Variants in GALNT7 observed in about 807,000 individuals in gnomAD.
GALNT7 encodes polypeptide N-acetylgalactosaminyltransferase 7, also known as N-acetylgalactosaminyltransferase 7.
A neutral mutation model predicts 82.1 loss-of-function variants in GALNT7; 60 were observed. The observed-to-expected ratio is 0.73, with a 90% confidence interval of 0.59 to 0.91. The LOEUF (loss-of-function observed/expected upper bound fraction) is 0.91. GALNT7 is among the 40% of genes least tolerant of loss of function. The probability of loss-of-function intolerance (pLI) is 0.00; values close to 1 mark genes in which losing one functional copy is unlikely to be tolerated. For synonymous variants in GALNT7, 243 were observed against 275.1 expected (o/e 0.88, Z 1.15); for missense variants, 660 against 804.2 (o/e 0.82, Z 2.17).
intron 1 of GALNT7, among the ~76,000 whole-genome samples, chr4:173,224,803 G>C (rs540323953): frequency 6.6e-6 from 1 of 151,810 alleles, no homozygotes; most frequent in South Asian, 2.1e-4. Context: ...ACGAGGTCAG[G>C]AGATCCAGAC....
intron 3 of GALNT7, 67 bp from the exon 4 acceptor site, chr4:173,295,329 G>C: frequency 1.7e-6 from 2 of 1,147,604 alleles, no homozygotes; most frequent in South Asian, 2.6e-5. Flanking sequence ...CTTGTTTCCT[G>C]AGAAAAATAA....
chr4:173,318,513 T>C lies in GALNT7; in HGVS notation c.1790T>C (p.Ile597Thr). The C allele has an allele frequency of 6.4e-7, 1 of 1,574,238 alleles. No homozygotes were observed. Among genetic ancestry groups the C allele is most frequent in the Non-Finnish European group, 8.7e-7 (1 of 1,144,770 alleles). The change falls in exon 11 of 12, where the codon ATT becomes ACT. Residue 597 changes from isoleucine (I) to threonine (T), a missense_variant. Around this residue, in one of 2 missense-constraint regions of GALNT7, gnomAD observed 527 missense variants for 683.5 expected, o/e 0.77. Transcript: ENST00000265000. ...TKGADGSKVM[I>T]THCNLNEFKE... Reference sequence around the variant, plus strand: ...GGAGCTGATGGATCAAAAGTTATGATTACACACTGTAATCTAAATGAATTT... The same window carrying C: ...GGAGCTGATGGATCAAAAGTTATGACTACACACTGTAATCTAAATGAATTT...
At chr4:173,224,611 T>C (rs1733744459) in intron 1 of GALNT7, among the ~76,000 whole-genome samples, 1 of 152,236 alleles carries the variant, frequency 6.6e-6, no homozygotes, top group Admixed American at 6.5e-5. Context: ...AAACTTGCAA[T>C]ATATTTATTT....
At chr4:173,197,361 A>G (rs1732810256) in intron 1 of GALNT7, among the ~76,000 whole-genome samples, 1 of 152,200 alleles carries the variant, frequency 6.6e-6, no homozygotes, top group Non-Finnish European at 1.5e-5. Flanking sequence ...ATGTATATGA[A>G]GGAACAGAAA....
At chr4:173,190,431 G>A (rs1022341321) in intron 1 of GALNT7, among the ~76,000 whole-genome samples, 7 of 152,312 alleles carry the variant, frequency 4.6e-5, no homozygotes, top group African/African-American at 7.2e-5. Context: ...AGGTAATACC[G>A]TATAATTTTT....
chr4:173,250,884 C>T (rs1298117228), intron 2 of GALNT7, among the ~76,000 whole-genome samples: 1 of 152,176 alleles, frequency 6.6e-6, no homozygotes, highest in Non-Finnish European at 1.5e-5. Flanking sequence ...CCTTTCTTCC[C>T]ATGACGGGCT....
intron 1 of GALNT7, among the ~76,000 whole-genome samples, chr4:173,231,823 A>G (rs999366404): frequency 1.3e-5 from 2 of 152,196 alleles, no homozygotes; most frequent in Admixed American, 6.5e-5. Context: ...AATGGCACAG[A>G]ATTTAGGAGA....
chr4:173,278,893 C>G (rs549804228), intron 2 of GALNT7, among the ~76,000 whole-genome samples: 1 of 152,012 alleles, frequency 6.6e-6, no homozygotes, highest in Non-Finnish European at 1.5e-5. Flanking sequence ...AAATTTCTTT[C>G]GAAGCTTAGA....
At chr4:173,227,813 TA>T (rs1003338519) in intron 1 of GALNT7, among the ~76,000 whole-genome samples, 11 of 152,174 alleles carry the variant, frequency 7.2e-5, no homozygotes, top group South Asian at 2.1e-4. Flanking sequence ...TTGCACCTTT[TA>T]AAAAAAATCG....
chr4:173,297,327 A>G (rs375766612), intron 5 of GALNT7, among the ~76,000 whole-genome samples: 1 of 151,946 alleles, frequency 6.6e-6, no homozygotes, highest in Non-Finnish European at 1.5e-5. Flanking sequence ...ACACATTTTC[A>G]TAACTGTTCC....
chr4:173,275,917 C>T (rs187413728), intron 2 of GALNT7, among the ~76,000 whole-genome samples: 113 of 152,318 alleles, frequency 7.4e-4, no homozygotes, highest in South Asian at 3.7e-3. Flanking sequence ...AAGCCACCAA[C>T]TGGCGCTACC....
intron 2 of GALNT7, among the ~76,000 whole-genome samples, chr4:173,288,298 A>G (rs936533002): frequency 2.0e-5 from 3 of 149,932 alleles, no homozygotes; most frequent in Non-Finnish European, 4.4e-5. Flanking sequence ...AAAAAAAAAA[A>G]AAAAAAAGAA....
At chr4:173,211,197 A>G (rs1239963083) in intron 1 of GALNT7, among the ~76,000 whole-genome samples, 1 of 152,216 alleles carries the variant, frequency 6.6e-6, no homozygotes, top group Non-Finnish European at 1.5e-5. Context: ...AACCACATCT[A>G]GAAGTTCTTA....
intron 1 of GALNT7, among the ~76,000 whole-genome samples, chr4:173,220,449 G>A (rs546313334): frequency 4.6e-5 from 7 of 151,948 alleles, no homozygotes; most frequent in Admixed American, 1.3e-4. Context: ...TTGTTCTTTT[G>A]CTTAGTCTTG....
chr4:173,221,873 C>G (rs1422796573), intron 1 of GALNT7, among the ~76,000 whole-genome samples: 4 of 152,054 alleles, frequency 2.6e-5, no homozygotes, highest in Non-Finnish European at 4.4e-5. Flanking sequence ...TTCAACTTTC[C>G]CCATTCTTTA....
intron 1 of GALNT7, among the ~76,000 whole-genome samples, chr4:173,247,140 G>A (rs898466558): frequency 1.4e-4 from 21 of 151,974 alleles, no homozygotes; most frequent in African/African-American, 5.1e-4. Flanking sequence ...TTGAGAAACA[G>A]TGTCTTGTGC....
chr4:173,292,506 C>T lies in GALNT7; in HGVS notation c.754+232C>T, dbSNP rs978783040. 6.6e-6 allele frequency among the ~76,000 whole-genome samples: 1 copy of T among 152,152 alleles called. No individual in the cohort carries two copies. The highest frequency in any genetic ancestry group is 2.4e-5 in the African/African-American group (1 of 41,444). ...TCCATTTTACACGCTCAGAGATGTA[C>T]AAGTAGTACACAAAAATTTGGTTGT... On this transcript the variant is annotated intron_variant, in intron 3 of 11. Coordinates refer to ENST00000265000, the MANE Select transcript of GALNT7 (RefSeq NM_017423.3). The surrounding 1 kb of genome is among the most constrained non-coding windows in gnomAD (Gnocchi z 4.8).
At chr4:173,250,353 A>C (rs568262343) in intron 2 of GALNT7, among the ~76,000 whole-genome samples, 25 of 152,302 alleles carry the variant, frequency 1.6e-4, no homozygotes, top group South Asian at 8.3e-4. Flanking sequence ...AAATATAGCT[A>C]ACTTTTCAAT....
rs747927149 is a variant in GALNT7 at position 173,206,018 on chromosome 4, T to TCCTGGAA, written c.126+37075_126+37081dup. 5.9e-5 allele frequency among the ~76,000 whole-genome samples: 9 copies of TCCTGGAA among 151,364 alleles called. No individual in the cohort carries two copies. The East Asian group carries it at 9.8e-4, about 16-fold the overall frequency. On this transcript the variant is annotated intron_variant, in intron 1 of 11. Coordinates refer to ENST00000265000, the MANE Select transcript of GALNT7 (RefSeq NM_017423.3). ...AGGCTCAGTCCACAGATAGTTACCA[T>TCCTGGAA]CCTGGAACCTGGAACCTGGAACCTC...
Sources: allele counts gnomAD v4.1 joint callset (sites outside exome capture counted in the v4.1 genomes callset), GRCh38; gene constraint gnomAD v4.1.1; regional missense constraint gnomAD v4.1.1; non-coding constraint Gnocchi (gnomAD v3.1); transcripts MANE v1.5; gene names NCBI Gene and HGNC (gene_info 2026-07-23, HGNC 2026-07-21).